The following PPFIBP2 variants were observed in gnomAD, a reference collection of about 807,000 sequenced individuals.
The protein encoded by PPFIBP2 is PPFIB scaffold protein 2.
A neutral mutation model predicts 118.3 loss-of-function variants in PPFIBP2; 118 were observed. The ratio of observed to expected loss-of-function variants is 1.00; its 90% CI spans 0.86 to 1.16. PPFIBP2 has a LOEUF of 1.16. Ranked by LOEUF, PPFIBP2 falls within the 50% of genes most tolerant of loss-of-function variation. The pLI is 0.00. For synonymous variants in PPFIBP2, 414 were observed against 397.4 expected (o/e 1.04, Z -0.50); for missense variants, 1,195 against 1,073.1 (o/e 1.11, Z -1.59).
intron 2 of PPFIBP2, among the ~76,000 whole-genome samples, chr11:7,557,859 C>T (rs1853818485): frequency 6.6e-6 from 1 of 152,054 alleles, no homozygotes; most frequent in South Asian, 2.1e-4. Context: ...CCTGTGGACC[C>T]CTCTTTTAAG....
chr11:7,611,991 T>C (rs983997203), intron 6 of PPFIBP2, among the ~76,000 whole-genome samples: 4 of 152,210 alleles, frequency 2.6e-5, no homozygotes, highest in Non-Finnish European at 5.9e-5. Flanking sequence ...ACATTAGGAC[T>C]TTGGGGGCAG....
At chr11:7,651,172 C>A (rs1853943944) in intron 22 of PPFIBP2, 2 of 494,212 alleles carry the variant, frequency 4.0e-6, no homozygotes, top group Non-Finnish European at 7.0e-6. Flanking sequence ...TCTGGCAGCA[C>A]CTCCTTGGCA....
In PPFIBP2 at chr11:7,652,178, C is replaced by G. The variant is rs542699385; in HGVS notation, c.2436+334C>G. On this transcript the variant is annotated intron_variant, in intron 23 of 23. Transcript: ENST00000299492. ...AAGCGCTCCGAGTCTGGCTTTCCTT[C>G]GGTCAGGCCTGCCTGCGTGCCGCAA... Among the ~76,000 whole-genome samples, 819 of 152,368 alleles carry G rather than the reference C, an allele frequency of 5.4e-3. 5 individuals are homozygous for G. The highest frequency in any genetic ancestry group is 0.019 in the African/African-American group (773 of 41,588).
intron 3 of PPFIBP2, among the ~76,000 whole-genome samples, chr11:7,586,573 C>T (rs1054713920): frequency 6.6e-6 from 1 of 152,152 alleles, no homozygotes; most frequent in Non-Finnish European, 1.5e-5. Context: ...TCTGTTGCTC[C>T]GTGAAGCATG....
rs1395682644 is a variant in PPFIBP2, at chr11:7,653,287, T to G, written c.*69T>G. ...AACACTGTGTGTGTCACCATATAACTGCACCTCACCCCCGCACGTGTGCAT... is the reference window on the plus strand; with the variant it reads ...AACACTGTGTGTGTCACCATATAACGGCACCTCACCCCCGCACGTGTGCAT... On this transcript the variant is annotated 3_prime_UTR_variant, in exon 24 of 24. Coordinates refer to ENST00000299492, the MANE Select transcript of PPFIBP2 (RefSeq NM_003621.5). 1.9e-6 allele frequency: 3 copies of G among 1,598,944 alleles called. No homozygotes were observed. The highest frequency in any genetic ancestry group is 2.6e-6 in the Non-Finnish European group (3 of 1,173,502).
At position 7,642,313 on chromosome 11, in the gene PPFIBP2, G is replaced by A. The variant is rs1381109377; in HGVS notation, c.1533G>A (p.Gln511=). Reference sequence around the variant, plus strand: ...CTCCATGCAGAATCCGAAGAACTCAGTCAGGAAATTTCTACACTGACACGC... The same window carrying A: ...CTCCATGCAGAATCCGAAGAACTCAATCAGGAAATTTCTACACTGACACGC... ...KKFWGKIRRT[Q]SGNFYTDTLG... Residue 511 remains glutamine, a synonymous_variant, in exon 17 of 24, where the codon CAG becomes CAA. Coordinates refer to ENST00000299492, the MANE Select transcript of PPFIBP2 (RefSeq NM_003621.5). 1.9e-6 allele frequency: 3 copies of A among 1,614,142 alleles called. No homozygotes were observed. Among genetic ancestry groups the A allele is most frequent in the South Asian group, 1.1e-5 (1 of 91,076 alleles).
At chr11:7,565,898 C>T in intron 3 of PPFIBP2, 131 bp downstream of exon 3, 2 of 1,012,766 alleles carry the variant, frequency 2.0e-6, no homozygotes, top group Admixed American at 5.1e-5. Context: ...CCACTTTGGC[C>T]AACGCTGCAG....
chr11:7,531,402 C>G (rs1325625461), intron 1 of PPFIBP2, among the ~76,000 whole-genome samples: 1 of 152,218 alleles, frequency 6.6e-6, no homozygotes, highest in African/African-American at 2.4e-5. Flanking sequence ...AGGGTTTCCT[C>G]TTTGTAGCAT....
chr11:7,628,779 G>A (rs115397806), intron 9 of PPFIBP2, among the ~76,000 whole-genome samples: 5,610 of 152,170 alleles, frequency 0.037, 351 homozygotes, highest in African/African-American at 0.13. Flanking sequence ...ATCTAATTTC[G>A]GCACAGTCAT....
rs1401185159 is a variant in PPFIBP2, at chr11:7,562,966, T to TACACACACACACAC, written c.65-2586_65-2585insCACACACACACACA. ...ATATATATATATATATATATATATA[T>TACACACACACACAC]ATATATATATACACGCACACACACA... On this transcript the variant is annotated intron_variant, in intron 2 of 23. Coordinates refer to ENST00000299492, the MANE Select transcript of PPFIBP2 (RefSeq NM_003621.5). Among the ~76,000 whole-genome samples, 11 of 74,138 alleles carry TACACACACACACAC rather than the reference T, an allele frequency of 1.5e-4. 1 individual carries two copies. The highest frequency in any genetic ancestry group is 7.0e-4 in the African/African-American group (11 of 15,666). The allele number at this position is 74,138 out of a possible 152,430, so 48.6% of individuals were successfully genotyped here. A position where few individuals can be genotyped will look rare whatever the true frequency, so the allele number is the denominator to read the frequency against.
At position 7,559,587 on chromosome 11, in the gene PPFIBP2, G is replaced by C. The variant is rs546993157; in HGVS notation, c.65-5966G>C. On this transcript the variant is annotated intron_variant, in intron 2 of 23. Coordinates refer to ENST00000299492, the MANE Select transcript of PPFIBP2 (RefSeq NM_003621.5). ...GGCCTGTAGGCTTGATGTCTCACTGGGGGGTGAGGGAGGGTGTATATGTGT... is the reference window on the plus strand; with the variant it reads ...GGCCTGTAGGCTTGATGTCTCACTGCGGGGTGAGGGAGGGTGTATATGTGT... Among the ~76,000 whole-genome samples the C allele has an allele frequency of 6.6e-5, 10 of 152,164 alleles. No individual in the cohort carries two copies. The East Asian group carries it at 7.7e-4, about 12-fold the overall frequency.
At chr11:7,536,340 G>A (rs1590151058) in intron 1 of PPFIBP2, among the ~76,000 whole-genome samples, 1 of 152,254 alleles carries the variant, frequency 6.6e-6, no homozygotes, top group East Asian at 1.9e-4. Context: ...GAGCACGGGA[G>A]GTAGGCAGTG....
chr11:7,534,950 G>A (rs1267656633), intron 1 of PPFIBP2, among the ~76,000 whole-genome samples: 1 of 152,212 alleles, frequency 6.6e-6, no homozygotes, highest in Middle Eastern at 3.2e-3. Flanking sequence ...GTGCATTGCA[G>A]GTGCATCACT....
intron 1 of PPFIBP2, among the ~76,000 whole-genome samples, chr11:7,531,744 C>T (rs1850707360): frequency 6.6e-6 from 1 of 151,948 alleles, no homozygotes; most frequent in South Asian, 2.1e-4. Context: ...TTTATTTTCT[C>T]ACAATTATGG....
chr11:7,514,735 G>T (rs1849080063), intron 1 of PPFIBP2, among the ~76,000 whole-genome samples: 1 of 152,220 alleles, frequency 6.6e-6, no homozygotes, highest in African/African-American at 2.4e-5. Flanking sequence ...TCAGATTCCA[G>T]ACCCGCAGTT....
intron 12 of PPFIBP2, 78 bp downstream of exon 12, chr11:7,633,012 C>T (rs548141156): frequency 1.5e-6 from 2 of 1,337,846 alleles, no homozygotes; most frequent in Admixed American, 3.5e-5. Flanking sequence ...ATGGTGATGA[C>T]CGTGAATGGT....
chr11:7,583,120 T>A (rs1347958444), intron 3 of PPFIBP2, among the ~76,000 whole-genome samples: 3 of 152,230 alleles, frequency 2.0e-5, no homozygotes, highest in African/African-American at 4.8e-5. Context: ...CTGAAGCCAG[T>A]GAGCACTAAC....
At position 7,625,740 on chromosome 11, in the gene PPFIBP2, C is replaced by G. The variant is rs766634158; in HGVS notation, c.712-37C>G. 1.1e-5 allele frequency: 18 copies of G among 1,573,218 alleles called. 1 individual carries two copies. The South Asian group carries it at 1.6e-4, about 14-fold the overall frequency. The stretch of plus-strand genomic sequence containing the variant: ...GGCACTTCATCATGATTTGGCAGTC[C>G]TTCTGACCTGGTAGGGATCCTCTGT... On this transcript the variant is annotated intron_variant, in intron 7 of 23. Transcript: ENST00000299492.
chr11:7,618,650 A>T (rs1432513749), intron 6 of PPFIBP2, among the ~76,000 whole-genome samples: 2 of 152,178 alleles, frequency 1.3e-5, no homozygotes, highest in Non-Finnish European at 2.9e-5. Context: ...CTTGACATCC[A>T]GTGATGCAGA....
Sources: gnomAD v4.1 joint callset for allele counts (sites outside exome capture counted in the v4.1 genomes callset) on GRCh38, gnomAD v4.1.1 for gene constraint, MANE v1.5 for transcripts, NCBI Gene and HGNC (gene_info 2026-07-23, HGNC 2026-07-21) for gene names.